CNBD1: variants seen among roughly 807,000 people sequenced by gnomAD.
CNBD1 encodes the protein cyclic nucleotide binding domain containing 1, also known as cyclic nucleotide-binding domain-containing protein 1.
In CNBD1, 71 loss-of-function variants were observed where a neutral mutation model predicts 54.4. The ratio of observed to expected loss-of-function variants is 1.30; its 90% confidence interval spans 1.08 to 1.59. The LOEUF (loss-of-function observed/expected upper bound fraction) is 1.59. Among genes scored for constraint, CNBD1 ranks in the 40% most tolerant of loss-of-function variants. CNBD1 has a pLI of 0.00. For missense variants in CNBD1, 659 were observed against 518.0 expected (o/e 1.27, Z -2.64); for synonymous variants, 182 against 170.7 (o/e 1.07, Z -0.51).
chr8:86,962,929 G>GA (rs1807969521), intron 4 of CNBD1, among the ~76,000 whole-genome samples: 1 of 152,162 alleles, frequency 6.6e-6, no homozygotes, highest in Non-Finnish European at 1.5e-5. Flanking sequence ...CTGTGAAGGG[G>GA]AAAAAGCTAT....
At chr8:87,396,964 C>CT (rs1811418276) in intron 2 of CNBD1, among the ~76,000 whole-genome samples, 2 of 150,830 alleles carry the variant, frequency 1.3e-5, no homozygotes, top group Admixed American at 6.6e-5. Context: ...TTAATCCCTC[C>CT]TTCAATGAAT....
chr8:87,170,456 T>C (rs1189649861), intron 4 of CNBD1, among the ~76,000 whole-genome samples: 1 of 152,196 alleles, frequency 6.6e-6, no homozygotes, highest in Admixed American at 6.5e-5. Flanking sequence ...CACTACTATG[T>C]TGAAAAACAG....
intron 4 of CNBD1, among the ~76,000 whole-genome samples, chr8:87,020,419 A>G (rs999018873): frequency 9.9e-5 from 15 of 152,162 alleles, no homozygotes. Context: ...CACCCCTAGG[A>G]ATAAGCCTCC....
chr8:87,017,329 A>G (rs933849397), intron 4 of CNBD1, among the ~76,000 whole-genome samples: 1 of 152,188 alleles, frequency 6.6e-6, no homozygotes, highest in Non-Finnish European at 1.5e-5. Context: ...AACCAAAGAC[A>G]TGTAAATCTG....
chr8:87,347,723 T>G (rs1810202637), intron 8 of CNBD1, among the ~76,000 whole-genome samples: 1 of 152,150 alleles, frequency 6.6e-6, no homozygotes, highest in Non-Finnish European at 1.5e-5. Context: ...TAATCTCTTC[T>G]TCCTTGATCT....
chr8:87,386,285 G>C (rs1016922433), downstream of CNBD1, among the ~76,000 whole-genome samples: 2 of 152,144 alleles, frequency 1.3e-5, no homozygotes, highest in Non-Finnish European at 2.9e-5. Context: ...CGAGTTGAGA[G>C]AAGAAGTTTT....
rs1810725632 is a variant in CNBD1, at chr8:87,369,745, C to CT, written c.1304-12872dup. On this transcript the variant is annotated intron_variant, in intron 10 of 10. Transcript: ENST00000518476. ...GCTTTCTTTTTTTTTTATTATTATA[C>CT]TTTAAGTTTTAGGGTACATGTGCAC... Among the ~76,000 whole-genome samples, 7 of 151,538 alleles carry CT rather than the reference C, an allele frequency of 4.6e-5. No individual in the cohort carries two copies. In the South Asian group the frequency reaches 1.2e-3, roughly 27 times the overall value.
chr8:86,936,088 G>A (rs1055630335), intron 3 of CNBD1, among the ~76,000 whole-genome samples: 3 of 152,098 alleles, frequency 2.0e-5, no homozygotes, highest in African/African-American at 7.2e-5. Context: ...GCAGTGAGCT[G>A]AGATCATGCC....
At chr8:87,254,069 T>C (rs1189019235) in intron 6 of CNBD1, among the ~76,000 whole-genome samples, 1 of 152,212 alleles carries the variant, frequency 6.6e-6, no homozygotes, top group Non-Finnish European at 1.5e-5. Flanking sequence ...AACTTTGAGA[T>C]GTGACTGGCA....
At chr8:86,931,682 G>C (rs1470034480) in intron 3 of CNBD1, among the ~76,000 whole-genome samples, 1 of 152,150 alleles carries the variant, frequency 6.6e-6, no homozygotes, top group Non-Finnish European at 1.5e-5. Context: ...AAGGTTGCCA[G>C]GTTTAATAAT....
chr8:87,094,775 C>G (rs1158002692), intron 4 of CNBD1, among the ~76,000 whole-genome samples: 1 of 152,156 alleles, frequency 6.6e-6, no homozygotes, highest in Non-Finnish European at 1.5e-5. Context: ...CAGTGGCTCA[C>G]GCCTGTAATC....
At chr8:87,183,113 T>C (rs749618935) in intron 4 of CNBD1, among the ~76,000 whole-genome samples, 1 of 152,118 alleles carries the variant, frequency 6.6e-6, no homozygotes, top group African/African-American at 2.4e-5. Context: ...TAGTCTAACT[T>C]ACATGGCTAG....
At position 86,870,189 on chromosome 8, in the gene CNBD1, C is replaced by CCTT. The variant is rs1554626453; in HGVS notation, c.88+3606_88+3607insCTT. On this transcript the variant is annotated intron_variant, in intron 1 of 10. Transcript: ENST00000518476. Reference sequence around the variant, plus strand: ...AGAAATTTAGAAACAAGATAGTACTCTTTTTTTTTTTTTTTCTGAGACGGA... The same window carrying CCTT: ...AGAAATTTAGAAACAAGATAGTACTCCTTTTTTTTTTTTTTTTTCTGAGACGGA... 3.6e-4 allele frequency among the ~76,000 whole-genome samples: 36 copies of CCTT among 100,606 alleles called. 1 individual carries two copies. Among genetic ancestry groups the CCTT allele is most frequent in the South Asian group, 1.1e-3 (3 of 2,680 alleles). 66.0% of individuals were successfully genotyped at this position (100,606 alleles called of 152,430 possible). A position where few individuals can be genotyped will look rare whatever the true frequency, so the allele number is the denominator to read the frequency against.
chr8:86,931,686 T>G (rs951257834), intron 3 of CNBD1, among the ~76,000 whole-genome samples: 1 of 152,176 alleles, frequency 6.6e-6, no homozygotes, highest in Admixed American at 6.5e-5. Flanking sequence ...TTGCCAGGTT[T>G]AATAATGCCT....
intron 8 of CNBD1, among the ~76,000 whole-genome samples, chr8:87,329,304 T>A (rs748929572): frequency 1.6e-4 from 24 of 152,168 alleles, no homozygotes; most frequent in Admixed American, 2.6e-4. Flanking sequence ...TCTTGATTAC[T>A]GCAGCTCTAT....
intron 4 of CNBD1, among the ~76,000 whole-genome samples, chr8:87,068,634 T>C (rs1810702463): frequency 6.6e-6 from 1 of 152,074 alleles, no homozygotes; most frequent in African/African-American, 2.4e-5. Context: ...AATAAGTACA[T>C]CCATAAAATT....
chr8:87,369,017 C>G (rs921418792), intron 10 of CNBD1, among the ~76,000 whole-genome samples: 2 of 151,920 alleles, frequency 1.3e-5, no homozygotes, highest in Admixed American at 1.3e-4. Flanking sequence ...CCTCCAGGAT[C>G]CATATTACAA....
intron 4 of CNBD1, among the ~76,000 whole-genome samples, chr8:86,992,279 T>C (rs943075959): frequency 3.3e-5 from 5 of 152,156 alleles, no homozygotes; most frequent in Non-Finnish European, 7.4e-5. Context: ...TTTTTTGTTC[T>C]TTTTAATTTT....
intron 2 of CNBD1, among the ~76,000 whole-genome samples, chr8:86,901,282 T>G (rs1808928743): frequency 6.6e-6 from 1 of 152,194 alleles, no homozygotes; most frequent in Non-Finnish European, 1.5e-5. Context: ...ATATTTCTTT[T>G]AATTTTCATC....
Sources: gnomAD v4.1 joint callset for allele counts (sites outside exome capture counted in the v4.1 genomes callset) on GRCh38, gnomAD v4.1.1 for gene constraint, MANE v1.5 for transcripts, NCBI Gene and HGNC (gene_info 2026-07-23, HGNC 2026-07-21) for gene names.